DIP2C: variants seen among roughly 807,000 people sequenced by gnomAD.
DIP2C encodes the protein disco-interacting protein 2 homolog C.
Under a neutral mutation model 192.4 loss-of-function variants are expected in DIP2C, and 33 were observed. That is an observed-to-expected ratio of 0.17 (90% CI 0.13 to 0.23). The LOEUF (loss-of-function observed/expected upper bound fraction) is 0.23, where lower values mean the gene tolerates loss of function less well. DIP2C is among the 10% of genes least tolerant of loss of function. The probability of loss-of-function intolerance (pLI) is 1.00; values close to 1 mark genes in which losing one functional copy is unlikely to be tolerated. For missense variants in DIP2C, 1,537 were observed against 2,110.1 expected, an observed-to-expected ratio of 0.73 and a Z score of 5.32; for synonymous variants, 979 against 864.1, an observed-to-expected ratio of 1.13 and a Z score of -2.33.
chr10:536,972 T>C (rs1051818319), intron 1 of DIP2C, among the ~76,000 whole-genome samples: 1 of 152,176 alleles, frequency 6.6e-6, no homozygotes, highest in South Asian at 2.1e-4. Flanking sequence ...TTTGTAGTCA[T>C]AGAAGATGAA....
chr10:275,713 AGAT>A lies in DIP2C; in HGVS notation c.*1609_*1611del, dbSNP rs1954480720. ...ACAGAACACATCTTTCTCGGAGTGC[AGAT>A]GCTCCTTCTTGGTTGGACACCGTGG... is the stretch of plus-strand genomic sequence containing the variant. On this transcript the variant is annotated 3_prime_UTR_variant, in exon 37 of 37. Coordinates refer to ENST00000280886, the MANE Select transcript of DIP2C (RefSeq NM_014974.3). 1 of 152,138 alleles carries A rather than the reference AGAT, an allele frequency of 6.6e-6. No individual in the cohort carries two copies. The highest frequency in any genetic ancestry group is 2.4e-5 in the African/African-American group (1 of 41,442). The allele number at this position is 152,138 out of a possible 1,614,324, so 9.4% of individuals were successfully genotyped here.
intron 17 of DIP2C, among the ~76,000 whole-genome samples, chr10:373,729 G>A (rs1351469668): frequency 6.6e-6 from 1 of 152,120 alleles, no homozygotes; most frequent in Admixed American, 6.5e-5. Flanking sequence ...CTCTCCCAGG[G>A]TCGATTGTAT....
intron 10 of DIP2C, among the ~76,000 whole-genome samples, chr10:393,980 G>C (rs575943408): frequency 3.8e-4 from 58 of 152,220 alleles, no homozygotes; most frequent in Non-Finnish European, 6.3e-4. Context: ...AATTAGCACA[G>C]CCATTATGGA....
chr10:544,220 T>C (rs1848161536), intron 1 of DIP2C, among the ~76,000 whole-genome samples: 1 of 152,202 alleles, frequency 6.6e-6, no homozygotes, highest in Admixed American at 6.5e-5. Context: ...TGACCTTTGG[T>C]GTGACCTTTG....
At chr10:640,843 A>G (rs1855154464) in intron 1 of DIP2C, among the ~76,000 whole-genome samples, 1 of 152,140 alleles carries the variant, frequency 6.6e-6, no homozygotes, top group East Asian at 1.9e-4. Flanking sequence ...GGAGACTCCA[A>G]CAGTGGCAGC....
chr10:658,626 C>A (rs1856556679), intron 1 of DIP2C, among the ~76,000 whole-genome samples: 1 of 152,190 alleles, frequency 6.6e-6, no homozygotes, highest in Non-Finnish European at 1.5e-5. Context: ...GACCTCCTGG[C>A]AAATATCACC....
At chr10:603,430 TG>T (rs1852239832) in intron 1 of DIP2C, among the ~76,000 whole-genome samples, 1 of 151,694 alleles carries the variant, frequency 6.6e-6, no homozygotes, top group African/African-American at 2.4e-5. Context: ...TCAGGACCTC[TG>T]TCTCTGATGT....
Position 393,564 on chromosome 10 carries a change from G to A in DIP2C, c.1261-2701C>T, listed in dbSNP as rs563472082. Among the ~76,000 whole-genome samples, 10 of 152,198 alleles carry A rather than the reference G, an allele frequency of 6.6e-5. No individual in the cohort carries two copies. The South Asian group carries it at 1.9e-3, about 29-fold the overall frequency. ...TGGCCACGGCAGGCAGATCAGTGGA[G>A]GTCAGGAGTTCAAGACCAGCCTGGC... is the stretch of plus-strand genomic sequence containing the variant. On this transcript the variant is annotated intron_variant, in intron 10 of 36. Coordinates refer to ENST00000280886, the MANE Select transcript of DIP2C (RefSeq NM_014974.3).
At chr10:598,305 C>T (rs1043370061) in intron 1 of DIP2C, among the ~76,000 whole-genome samples, 1 of 152,086 alleles carries the variant, frequency 6.6e-6, no homozygotes, top group South Asian at 2.1e-4. Context: ...CTTCCCACCC[C>T]GAGGGCAGCT....
At chr10:519,300 G>A (rs1312498181) in intron 1 of DIP2C, among the ~76,000 whole-genome samples, 1 of 152,244 alleles carries the variant, frequency 6.6e-6, no homozygotes, top group Non-Finnish European at 1.5e-5. Context: ...GGGAGCCCCT[G>A]GGATGAGGTG....
intron 2 of DIP2C, among the ~76,000 whole-genome samples, chr10:473,981 T>C (rs2133453223): frequency 6.6e-6 from 1 of 152,336 alleles, no homozygotes; most frequent in African/African-American, 2.4e-5. Context: ...GTCATTTTGC[T>C]AAGTTTCATG....
At chr10:285,661 T>C (rs948168642) in intron 34 of DIP2C, among the ~76,000 whole-genome samples, 5 of 152,174 alleles carry the variant, frequency 3.3e-5, no homozygotes, top group African/African-American at 1.2e-4. Flanking sequence ...CAGGGCCTGC[T>C]TGAGATGAGG....
chr10:613,165 A>G (rs570189875), intron 1 of DIP2C, among the ~76,000 whole-genome samples: 2 of 152,344 alleles, frequency 1.3e-5, no homozygotes, highest in South Asian at 4.1e-4. Context: ...ACCAGAGTTC[A>G]TAACATGTGA....
intron 1 of DIP2C, among the ~76,000 whole-genome samples, chr10:535,854 G>A (rs576244690): frequency 2.0e-5 from 3 of 152,220 alleles, no homozygotes; most frequent in Admixed American, 6.5e-5. Context: ...AGTGTACTCT[G>A]AGAATTAGGT....
intron 3 of DIP2C, among the ~76,000 whole-genome samples, chr10:470,962 A>T (rs1970580739): frequency 6.6e-6 from 1 of 152,178 alleles, no homozygotes; most frequent in African/African-American, 2.4e-5. Flanking sequence ...ACTGACACAC[A>T]GTGAGGGAAG....
At chr10:288,933 C>CT (rs541134675) in intron 32 of DIP2C, among the ~76,000 whole-genome samples, 12 of 152,226 alleles carry the variant, frequency 7.9e-5, no homozygotes, top group Non-Finnish European at 1.3e-4. Flanking sequence ...GAAACTCTTA[C>CT]TTCAAAGAAT....
chr10:507,615 T>C (rs994030204), intron 1 of DIP2C, among the ~76,000 whole-genome samples: 2 of 152,258 alleles, frequency 1.3e-5, no homozygotes, highest in African/African-American at 4.8e-5. Context: ...GTTTCCAGTG[T>C]CATCTCAGCT....
intron 1 of DIP2C, among the ~76,000 whole-genome samples, chr10:572,049 A>G (rs1849850026): frequency 6.6e-6 from 1 of 152,250 alleles, no homozygotes; most frequent in Admixed American, 6.5e-5. Flanking sequence ...CCGAGGCTCT[A>G]GGGGTGTTTT....
intron 19 of DIP2C, 68 bp downstream of exon 19, chr10:366,207 C>T: frequency 6.3e-7 from 1 of 1,584,078 alleles, no homozygotes; most frequent in Non-Finnish European, 8.6e-7. Context: ...TATCACTATG[C>T]ACCTGGCAAG....
Sources: gnomAD v4.1 joint callset for allele counts (sites outside exome capture counted in the v4.1 genomes callset) on GRCh38, gnomAD v4.1.1 for gene constraint, MANE v1.5 for transcripts, NCBI Gene and HGNC (gene_info 2026-07-23, HGNC 2026-07-21) for gene names.